The following DLG2 variants were observed in gnomAD, a reference collection of about 807,000 sequenced individuals.
DLG2 encodes disks large homolog 2.
A neutral mutation model predicts 132.5 loss-of-function variants in DLG2; 45 were observed. That is an observed-to-expected ratio of 0.34 (90% CI 0.27 to 0.44). DLG2 has a LOEUF of 0.44. Ranked by LOEUF, DLG2 falls within the 20% of genes least tolerant of loss-of-function variation. The pLI is 1.00. For missense variants in DLG2, 1,045 were observed against 1,196.9 expected (o/e 0.87, Z 1.87); for synonymous variants, 424 against 419.6 (o/e 1.01, Z -0.13).
chr11:84,712,469 T>C (rs1047357473), intron 6 of DLG2, among the ~76,000 whole-genome samples: 4 of 152,030 alleles, frequency 2.6e-5, no homozygotes, highest in Non-Finnish European at 4.4e-5. Flanking sequence ...TCTAGGATTT[T>C]TGTTTTTGGT....
chr11:85,374,833 G>GA (rs1286771594), intron 3 of DLG2, among the ~76,000 whole-genome samples: 2 of 151,788 alleles, frequency 1.3e-5, no homozygotes, highest in African/African-American at 2.4e-5. Context: ...TCTATAACAA[G>GA]AAAAAAACAG....
chr11:85,386,476 G>A (rs1288423348), intron 3 of DLG2, among the ~76,000 whole-genome samples: 1 of 151,940 alleles, frequency 6.6e-6, no homozygotes. Context: ...TTTTTTCTGT[G>A]TTGTTCTTTT....
intron 6 of DLG2, among the ~76,000 whole-genome samples, chr11:84,568,141 C>T (rs763940198): frequency 6.6e-6 from 1 of 152,162 alleles, no homozygotes; most frequent in African/African-American, 2.4e-5. Context: ...AAGAAAGGAA[C>T]CATACGTGAT....
At chr11:85,449,488 T>A (rs1189366627) in intron 3 of DLG2, among the ~76,000 whole-genome samples, 1 of 152,050 alleles carries the variant, frequency 6.6e-6, no homozygotes, top group Non-Finnish European at 1.5e-5. Flanking sequence ...ATTTTGTAAT[T>A]TTTATTTCCT....
intron 6 of DLG2, among the ~76,000 whole-genome samples, chr11:85,015,961 C>T (rs1470909791): frequency 6.6e-6 from 1 of 151,944 alleles, no homozygotes; most frequent in Non-Finnish European, 1.5e-5. Flanking sequence ...ACAAAAACAA[C>T]ATAATGTCTA....
intron 18 of DLG2, among the ~76,000 whole-genome samples, chr11:83,724,292 C>T (rs2089454456): frequency 1.3e-5 from 2 of 152,076 alleles, no homozygotes; most frequent in South Asian, 4.1e-4. Flanking sequence ...AAGCCTGGCT[C>T]CCTGGATTAG....
Position 84,556,218 on chromosome 11 carries a change from C to T in DLG2, c.358-21487G>A, listed in dbSNP as rs183279957. Among the ~76,000 whole-genome samples, 121 of 152,314 alleles carry T rather than the reference C, an allele frequency of 7.9e-4. 1 individual carries two copies. The highest frequency in any genetic ancestry group is 2.8e-3 in the African/African-American group (118 of 41,582). On this transcript the variant is annotated intron_variant, in intron 6 of 27. Coordinates refer to ENST00000376104, the MANE Select transcript of DLG2 (RefSeq NM_001142699.3). The stretch of plus-strand genomic sequence containing the variant: ...TAGGAGACAGGACATGGTCAGGTAG[C>T]AGGTGGACTTTAAGCAACCATATCC...
chr11:84,726,654 G>A lies in DLG2; in HGVS notation c.358-191923C>T, dbSNP rs550471742. ...AGTAATGAGATTGCTGGGTCAAACG[G>A]TATTTCTGGTTCTAGATCCTTGAGG... On this transcript the variant is annotated intron_variant, in intron 6 of 27. Transcript: ENST00000376104. Among the ~76,000 whole-genome samples, 122 of 152,188 alleles carry A rather than the reference G, an allele frequency of 8.0e-4. 1 individual carries two copies. The highest frequency in any genetic ancestry group is 1.3e-3 in the Admixed American group (20 of 15,294).
At chr11:84,770,544 T>C (rs912141946) in intron 6 of DLG2, among the ~76,000 whole-genome samples, 1 of 152,142 alleles carries the variant, frequency 6.6e-6, no homozygotes, top group Admixed American at 6.5e-5. Flanking sequence ...CACTTTTAAG[T>C]GAGAGCATGC....
At chr11:84,887,487 C>A (rs2088537920) in intron 6 of DLG2, 1 of 152,098 alleles carries the variant, frequency 6.6e-6, no homozygotes, top group Non-Finnish European at 1.5e-5. Context: ...CTCATAACAA[C>A]TGACATGCCA....
At position 83,753,865 on chromosome 11, in the gene DLG2, T is replaced by TTA. The variant is rs2093509927; in HGVS notation, c.1825+32824_1825+32825insTA. ...ATATCATATATATCATATATATATT[T>TTA]CATATATATGATATATATCATATAT... On this transcript the variant is annotated intron_variant, in intron 18 of 27. Coordinates refer to ENST00000376104, the MANE Select transcript of DLG2 (RefSeq NM_001142699.3). Among the ~76,000 whole-genome samples, 2 of 9,468 alleles carry TTA rather than the reference T, an allele frequency of 2.1e-4. 1 individual carries two copies. The highest frequency in any genetic ancestry group is 3.0e-4 in the Non-Finnish European group (2 of 6,610). The allele number at this position is 9,468 out of a possible 152,430, so 6.2% of individuals were successfully genotyped here.
chr11:84,252,531 T>C (rs2097399677), intron 7 of DLG2, among the ~76,000 whole-genome samples: 1 of 152,196 alleles, frequency 6.6e-6, no homozygotes, highest in South Asian at 2.1e-4. Context: ...ATTGGATATG[T>C]TCAACTTTCT....
chr11:84,151,332 T>C (rs923365932), intron 9 of DLG2, among the ~76,000 whole-genome samples: 3 of 152,160 alleles, frequency 2.0e-5, no homozygotes, highest in Non-Finnish European at 2.9e-5. Flanking sequence ...TTCTAGCTTG[T>C]GTGTATAGAG....
intron 9 of DLG2, among the ~76,000 whole-genome samples, chr11:84,128,593 T>C (rs548667128): frequency 3.9e-5 from 6 of 152,142 alleles, no homozygotes; most frequent in Non-Finnish European, 8.8e-5. Flanking sequence ...TTTTTCTCTA[T>C]CAGGTTTCTT....
At chr11:83,521,146 C>T (rs1156974109) in intron 21 of DLG2, among the ~76,000 whole-genome samples, 1 of 152,196 alleles carries the variant, frequency 6.6e-6, no homozygotes, top group African/African-American at 2.4e-5. Context: ...AATAAATATT[C>T]ATGGACCTCC....
chr11:85,001,012 A>G (rs55649137), intron 6 of DLG2, among the ~76,000 whole-genome samples: 2,097 of 152,192 alleles, frequency 0.014, 48 homozygotes, highest in African/African-American at 0.047. Flanking sequence ...AAAGAACCCC[A>G]TGCATTTTTA....
chr11:84,851,134 T>C (rs1441781061), intron 6 of DLG2, among the ~76,000 whole-genome samples: 1 of 152,084 alleles, frequency 6.6e-6, no homozygotes, highest in Non-Finnish European at 1.5e-5. Context: ...AATACCTCCA[T>C]ATGCTGCCAT....
intron 7 of DLG2, among the ~76,000 whole-genome samples, chr11:84,410,470 G>C (rs1036772450): frequency 2.0e-5 from 3 of 151,162 alleles, no homozygotes; most frequent in Admixed American, 2.0e-4. Flanking sequence ...AGTCAATTTA[G>C]ACAGCTTCTT....
intron 7 of DLG2, among the ~76,000 whole-genome samples, chr11:84,513,921 A>C (rs955966376): frequency 5.3e-5 from 8 of 152,182 alleles, no homozygotes; most frequent in African/African-American, 1.9e-4. Flanking sequence ...AAATGGGAGA[A>C]ATCATTTGCC....
Sources: gnomAD v4.1 joint callset for allele counts (sites outside exome capture counted in the v4.1 genomes callset) on GRCh38, gnomAD v4.1.1 for gene constraint, MANE v1.5 for transcripts, NCBI Gene and HGNC (gene_info 2026-07-23, HGNC 2026-07-21) for gene names.